The following NOL7 variants were observed in gnomAD, a reference collection of about 807,000 sequenced individuals.
NOL7 encodes the protein nucleolar protein 7.
A neutral mutation model predicts 38.4 loss-of-function variants in NOL7; 36 were observed. That is an observed-to-expected ratio of 0.94 (90% confidence interval 0.72 to 1.24). The LOEUF is 1.24. Ranked by LOEUF, NOL7 falls within the 50% of genes most tolerant of loss-of-function variation. NOL7 has a pLI of 0.00. For synonymous variants in NOL7, 142 were observed against 126.5 expected (o/e 1.12, Z -0.82); for missense variants, 350 against 315.1 (o/e 1.11, Z -0.84).
intron 5 of NOL7, among the ~76,000 whole-genome samples, chr6:13,619,275 C>T (rs1362113801): frequency 2.0e-5 from 3 of 152,228 alleles, no homozygotes; most frequent in Non-Finnish European, 4.4e-5. Context: ...GACAATATGG[C>T]CTTATCTTCT....
chr6:13,620,875 TA>T lies in NOL7; in HGVS notation c.*50del, dbSNP rs199700209. 1,527 of 1,100,862 alleles carry T rather than the reference TA, an allele frequency of 1.4e-3. 16 individuals are homozygous for T. The African/African-American group carries it at 0.021, about 15-fold the overall frequency. 68.2% of individuals were successfully genotyped at this position (1,100,862 alleles called of 1,614,324 possible). A position where few individuals can be genotyped will look rare whatever the true frequency, so the allele number is the denominator to read the frequency against. On this transcript the variant is annotated 3_prime_UTR_variant, in exon 8 of 8. Transcript: ENST00000451315. The stretch of plus-strand genomic sequence containing the variant: ...GTACTTTGTATGTATAGAATTTATC[TA>T]ATAAATCATTCATAGATCATTTTAA...
chr6:13,632,429 T>C lies in NOL7; in HGVS notation n.610T>C, dbSNP rs1764815402. The C allele has an allele frequency of 5.0e-6, 8 of 1,614,100 alleles. No homozygotes were observed. Among genetic ancestry groups the C allele is most frequent in the Non-Finnish European group, 6.8e-6 (8 of 1,179,970 alleles). On this transcript the variant is annotated non_coding_transcript_exon_variant, in exon 9 of 9. Transcript: ENST00000474485. ...CAGTCTCTCCTTAGCTGTTCACTCA[T>C]TGCTTGCAGCTCTCGTCCAAAGTGG...
downstream of NOL7, among the ~76,000 whole-genome samples, chr6:13,626,290 A>G (rs1190793648): frequency 6.6e-6 from 1 of 152,100 alleles, no homozygotes; most frequent in African/African-American, 2.4e-5. Context: ...CTCAAGCCAC[A>G]CCTCTTCAAA....
chr6:13,624,516 T>C (rs1764545373), downstream of NOL7, among the ~76,000 whole-genome samples: 1 of 152,224 alleles, frequency 6.6e-6, no homozygotes, highest in Non-Finnish European at 1.5e-5. Flanking sequence ...ACTCACTCTT[T>C]ATATAAATTA....
chr6:13,628,590 G>C (rs150660883), intron 8 of NOL7, among the ~76,000 whole-genome samples: 2 of 152,204 alleles, frequency 1.3e-5, no homozygotes, highest in Non-Finnish European at 2.9e-5. Context: ...TGGAAGTAGA[G>C]TGAAGCTGTA....
intron 8 of NOL7, among the ~76,000 whole-genome samples, chr6:13,631,296 T>C (rs1175883499): frequency 6.6e-6 from 1 of 152,174 alleles, no homozygotes; most frequent in African/African-American, 2.4e-5. Context: ...AAATACAAGA[T>C]TGCATGCCTT....
At chr6:13,632,377 AT>A (rs751504188) in intron 8 of NOL7, 3 of 1,606,362 alleles carry the variant, frequency 1.9e-6, no homozygotes, top group South Asian at 1.1e-5. Context: ...CACCTTCAAC[AT>A]TTTTTTGTTT....
chr6:13,620,160 A>G (rs778014907), intron 5 of NOL7, 48 bp from the exon 6 acceptor site: 2 of 1,565,362 alleles, frequency 1.3e-6, no homozygotes, highest in East Asian at 2.2e-5. Flanking sequence ...AAAAAAAAAG[A>G]AAGTAAGCAT....
At chr6:13,632,336 A>T in intron 8 of NOL7, 1 of 1,596,944 alleles carries the variant, frequency 6.3e-7, no homozygotes, top group Non-Finnish European at 8.6e-7. Context: ...TTCCTCTGAC[A>T]TATTCATAAT....
At chr6:13,625,805 C>A, downstream of NOL7, 1 of 1,338,254 alleles carries the variant, frequency 7.5e-7, no homozygotes, top group South Asian at 1.2e-5. Context: ...TCAAATAGTT[C>A]AACTATTATG....
In NOL7 at chr6:13,615,357, C is replaced by T. The variant is rs535648649; in HGVS notation, c.-2C>T. 3.5e-5 allele frequency: 52 copies of T among 1,483,982 alleles called. 1 individual carries two copies. Among genetic ancestry groups the T allele is most frequent in the East Asian group, 1.2e-4 (5 of 40,528 alleles). 91.9% of individuals were successfully genotyped at this position (1,483,982 alleles called of 1,614,324 possible). A position where few individuals can be genotyped will look rare whatever the true frequency, so the allele number is the denominator to read the frequency against. On this transcript the variant is annotated 5_prime_UTR_variant, in exon 1 of 8. Coordinates refer to ENST00000451315, the MANE Select transcript of NOL7 (RefSeq NM_016167.5). ...GTCAGACGGTCTAGCGCTGCGTGGG[C>T]CATGGTGCAGCTCCGACCGCGAGCG...
intron 2 of NOL7, among the ~76,000 whole-genome samples, chr6:13,615,995 C>G (rs1193510020): frequency 6.6e-6 from 1 of 151,996 alleles, no homozygotes; most frequent in East Asian, 1.9e-4. Flanking sequence ...GAGATCACAC[C>G]ACTGCGCTCC....
chr6:13,632,391 A>C, intron 8 of NOL7: 1 of 1,607,030 alleles, frequency 6.2e-7, no homozygotes, highest in Non-Finnish European at 8.5e-7. Context: ...TTTTGTTTGC[A>C]GTGTTCTTGC....
chr6:13,617,570 T>A (rs1316553601), intron 3 of NOL7, among the ~76,000 whole-genome samples, 200 bp from the exon 4 acceptor site: 1 of 152,236 alleles, frequency 6.6e-6, no homozygotes, highest in Non-Finnish European at 1.5e-5. Context: ...ACTGTGAAGA[T>A]CTTCCAATGC....
At chr6:13,623,340 T>TG (rs2127757034), downstream of NOL7, among the ~76,000 whole-genome samples, 1 of 152,308 alleles carries the variant, frequency 6.6e-6, no homozygotes, top group Non-Finnish European at 1.5e-5. Context: ...AGTTGACACA[T>TG]GGCTAGGAAG....
downstream of NOL7, among the ~76,000 whole-genome samples, chr6:13,622,795 A>G (rs1764489010): frequency 6.6e-6 from 1 of 152,202 alleles, no homozygotes; most frequent in African/African-American, 2.4e-5. Context: ...TTTTTATCTG[A>G]TATTTGGAGT....
chr6:13,615,368 C>G lies in NOL7; in HGVS notation c.10C>G (p.Leu4Val), dbSNP rs1764243397. ...TAGCGCTGCGTGGGCCATGGTGCAG[C>G]TCCGACCGCGAGCGTCTCGCGCCCC... is the stretch of plus-strand genomic sequence containing the variant. Reference protein sequence around the residue: MVQLRPRASRAPAS... With the variant: MVQVRPRASRAPAS... Residue 4 changes from leucine (L) to valine (V), a missense_variant, in exon 1 of 8, where the codon CTC (leucine) becomes GTC (valine). Physicochemically the swap from Leu to Val is conservative, Grantham distance 32 (BLOSUM62 1). Coordinates refer to ENST00000451315, the MANE Select transcript of NOL7 (RefSeq NM_016167.5). 4 of 1,508,462 alleles carry G rather than the reference C, an allele frequency of 2.7e-6. No homozygotes were observed. The East Asian group carries it at 7.4e-5, about 28-fold the overall frequency. The allele number at this position is 1,508,462 out of a possible 1,614,324, so 93.4% of individuals were successfully genotyped here.
rs1764438931 is a variant in NOL7 at position 13,621,350 on chromosome 6, T to G, written c.*523T>G. The stretch of plus-strand genomic sequence containing the variant: ...TCAGCCACAATATCAGGTCTAACCC[T>G]AATCCAGGGATGCCAGTAAACTGAA... On this transcript the variant is annotated 3_prime_UTR_variant, in exon 8 of 8. Transcript: ENST00000451315. 1 of 152,598 alleles carries G rather than the reference T, an allele frequency of 6.6e-6. No individual in the cohort carries two copies. Among genetic ancestry groups the G allele is most frequent in the African/African-American group, 2.4e-5 (1 of 41,464 alleles). 9.5% of individuals were successfully genotyped at this position (152,598 alleles called of 1,614,324 possible). A position where few individuals can be genotyped will look rare whatever the true frequency, so the allele number is the denominator to read the frequency against.
downstream of NOL7, among the ~76,000 whole-genome samples, chr6:13,623,815 C>G (rs1020651974): frequency 2.6e-5 from 4 of 152,220 alleles, no homozygotes; most frequent in Admixed American, 6.5e-5. Context: ...AGATTAAGCA[C>G]TATTTATGGC....
Sources: allele counts gnomAD v4.1 joint callset (sites outside exome capture counted in the v4.1 genomes callset), GRCh38; gene constraint gnomAD v4.1.1; transcripts MANE v1.5; gene names NCBI Gene and HGNC (gene_info 2026-07-23, HGNC 2026-07-21).